Variants in NXPH1 observed in about 807,000 individuals in gnomAD.
The protein encoded by NXPH1 is neurexophilin-1.
Under a neutral mutation model 23.7 loss-of-function variants are expected in NXPH1, and 5 were observed. That is an observed-to-expected ratio of 0.21 (90% CI 0.11 to 0.44). The LOEUF is 0.44. Among genes scored for constraint, NXPH1 ranks in the 20% least tolerant of loss-of-function variants. The pLI is 0.99. For missense variants in NXPH1, 324 were observed against 321.6 expected (o/e 1.01, Z -0.06); for synonymous variants, 144 against 122.2 (o/e 1.18, Z -1.18).
At chr7:8,607,763 A>G (rs1263471549) in intron 2 of NXPH1, among the ~76,000 whole-genome samples, 2 of 152,210 alleles carry the variant, frequency 1.3e-5, no homozygotes, top group African/African-American at 2.4e-5. Context: ...ATGTTCCCCA[A>G]AAAGATCTGT....
chr7:8,572,874 A>T (rs1818676751), intron 2 of NXPH1, among the ~76,000 whole-genome samples: 2 of 151,996 alleles, frequency 1.3e-5, no homozygotes, highest in South Asian at 4.1e-4. Flanking sequence ...GGGTCATTTG[A>T]GAAGGTCTTA....
chr7:8,440,538 T>C (rs1816279984), intron 2 of NXPH1, among the ~76,000 whole-genome samples: 2 of 152,090 alleles, frequency 1.3e-5, no homozygotes. Context: ...ATATATCAGG[T>C]GGCTGGGAAA....
chr7:8,622,080 C>A (rs756197476), intron 2 of NXPH1, among the ~76,000 whole-genome samples: 24 of 152,104 alleles, frequency 1.6e-4, no homozygotes, highest in Non-Finnish European at 2.8e-4. Flanking sequence ...CTAGCAAATT[C>A]TTAGAATTAC....
At chr7:8,706,603 T>G (rs1031155539) in intron 2 of NXPH1, among the ~76,000 whole-genome samples, 22 of 152,302 alleles carry the variant, frequency 1.4e-4, no homozygotes, top group Admixed American at 5.9e-4. Context: ...ATCCTCTGGT[T>G]GTCAGTTGGC....
At chr7:8,464,782 T>C (rs1283217748) in intron 2 of NXPH1, among the ~76,000 whole-genome samples, 1 of 152,180 alleles carries the variant, frequency 6.6e-6, no homozygotes, top group African/African-American at 2.4e-5. Context: ...AATACTATTA[T>C]TGATAGCTTA....
intron 2 of NXPH1, among the ~76,000 whole-genome samples, chr7:8,714,619 G>T (rs564014292): frequency 1.3e-5 from 2 of 151,662 alleles, no homozygotes; most frequent in African/African-American, 4.8e-5. Context: ...TACTGCTGCT[G>T]GTTATTCAGG....
At chr7:8,708,311 A>G (rs1779734663) in intron 2 of NXPH1, among the ~76,000 whole-genome samples, 1 of 152,136 alleles carries the variant, frequency 6.6e-6, no homozygotes, top group Non-Finnish European at 1.5e-5. Context: ...AAATAGATTA[A>G]GAGATATGTG....
chr7:8,500,570 A>G (rs1219466430), intron 2 of NXPH1, among the ~76,000 whole-genome samples: 5 of 151,970 alleles, frequency 3.3e-5, no homozygotes, highest in Non-Finnish European at 5.9e-5. Flanking sequence ...TGTGTTTGCT[A>G]TTATTATTTC....
At chr7:8,734,573 C>A (rs1780215268) in intron 2 of NXPH1, among the ~76,000 whole-genome samples, 1 of 151,830 alleles carries the variant, frequency 6.6e-6, no homozygotes, top group African/African-American at 2.4e-5. Context: ...GTTATGATTT[C>A]CGTTCTTTTG....
At chr7:8,617,311 T>A (rs1462821182) in intron 2 of NXPH1, among the ~76,000 whole-genome samples, 1 of 152,048 alleles carries the variant, frequency 6.6e-6, no homozygotes, top group Non-Finnish European at 1.5e-5. Flanking sequence ...GGGTATTTCC[T>A]ATAAAAGAAA....
At chr7:8,472,250 C>A (rs758788499) in intron 2 of NXPH1, among the ~76,000 whole-genome samples, 1 of 151,956 alleles carries the variant, frequency 6.6e-6, no homozygotes, top group Non-Finnish European at 1.5e-5. Context: ...TCATTTAAGC[C>A]CTTGGGGATT....
intron 2 of NXPH1, among the ~76,000 whole-genome samples, chr7:8,640,639 T>G (rs1159122870): frequency 2.6e-5 from 4 of 152,122 alleles, no homozygotes; most frequent in Non-Finnish European, 5.9e-5. Flanking sequence ...TTAGATAAAA[T>G]TTAAAATTAG....
chr7:8,509,159 C>T (rs1282233568), intron 2 of NXPH1, among the ~76,000 whole-genome samples: 1 of 151,986 alleles, frequency 6.6e-6, no homozygotes, highest in East Asian at 1.9e-4. Flanking sequence ...CTACTGTTTA[C>T]CAGCTTGAGG....
At chr7:8,572,855 T>G (rs1302555332) in intron 2 of NXPH1, among the ~76,000 whole-genome samples, 2 of 152,032 alleles carry the variant, frequency 1.3e-5, no homozygotes, top group Non-Finnish European at 2.9e-5. Flanking sequence ...AAGGAATTAC[T>G]TCCATCAAGG....
chr7:8,491,062 T>A (rs1420652713), intron 2 of NXPH1, among the ~76,000 whole-genome samples: 1 of 152,052 alleles, frequency 6.6e-6, no homozygotes, highest in Non-Finnish European at 1.5e-5. Context: ...AAAACATTTT[T>A]TTTTGCCTAA....
intron 2 of NXPH1, among the ~76,000 whole-genome samples, chr7:8,680,722 A>G (rs1157298797): frequency 6.6e-6 from 1 of 151,990 alleles, no homozygotes; most frequent in Admixed American, 6.6e-5. Context: ...ATGTAATACC[A>G]AGGATCACTG....
intron 2 of NXPH1, among the ~76,000 whole-genome samples, chr7:8,554,475 G>C (rs1818324813): frequency 6.6e-6 from 1 of 151,642 alleles, no homozygotes; most frequent in African/African-American, 2.4e-5. Context: ...ATGTGAGTGG[G>C]TAAATGAGCT....
chr7:8,650,409 C>G (rs376884294), intron 2 of NXPH1, among the ~76,000 whole-genome samples: 3 of 152,120 alleles, frequency 2.0e-5, no homozygotes, highest in African/African-American at 7.2e-5. Flanking sequence ...AGAAGGATGT[C>G]TTGTGATCTA....
At chr7:8,725,678 A>G (rs965262006) in intron 2 of NXPH1, among the ~76,000 whole-genome samples, 9 of 152,148 alleles carry the variant, frequency 5.9e-5, no homozygotes, top group African/African-American at 1.9e-4. Flanking sequence ...TATTCTATCT[A>G]CTAGACTTTA....
Sources: gnomAD v4.1 joint callset for allele counts (sites outside exome capture counted in the v4.1 genomes callset) on GRCh38, gnomAD v4.1.1 for gene constraint, MANE v1.5 for transcripts, NCBI Gene and HGNC (gene_info 2026-07-23, HGNC 2026-07-21) for gene names.